RWDD1: variants seen among roughly 807,000 people sequenced by gnomAD.
RWDD1 encodes the protein RWD domain containing 1, also known as RWD domain-containing protein 1.
A neutral mutation model predicts 31.6 loss-of-function variants in RWDD1; 17 were observed. That is an observed-to-expected ratio of 0.54 (90% CI 0.37 to 0.81). The LOEUF (loss-of-function observed/expected upper bound fraction) is 0.81, where lower values mean the gene tolerates loss of function less well. Among genes scored for constraint, RWDD1 ranks in the 30% least tolerant of loss-of-function variants. The pLI is 0.00. For missense variants in RWDD1, 204 were observed against 274.5 expected, an observed-to-expected ratio of 0.74 and a Z score of 1.82; for synonymous variants, 78 against 94.2, an observed-to-expected ratio of 0.83 and a Z score of 0.99.
chr6:116,580,395 A>G (rs748598762), intron 2 of RWDD1, 35 bp downstream of exon 2: 4 of 1,497,722 alleles, frequency 2.7e-6, no homozygotes, highest in Non-Finnish European at 3.7e-6. Flanking sequence ...GGTTTTTCTA[A>G]ATTTCTCAGG....
chr6:116,583,661 T>C (rs1052749266), intron 2 of RWDD1, among the ~76,000 whole-genome samples: 2 of 152,152 alleles, frequency 1.3e-5, no homozygotes, highest in Non-Finnish European at 2.9e-5. Context: ...ATACAATTTT[T>C]ATTTGTCAAG....
At chr6:116,578,664 C>T (rs1318456110) in intron 1 of RWDD1, among the ~76,000 whole-genome samples, 1 of 152,094 alleles carries the variant, frequency 6.6e-6, no homozygotes, top group Non-Finnish European at 1.5e-5. Flanking sequence ...AAAATATAGA[C>T]AAGCCCAACC....
At chr6:116,589,016 ATTTC>A in intron 4 of RWDD1, 31 bp downstream of exon 4, 1 of 1,241,852 alleles carries the variant, frequency 8.1e-7, no homozygotes, top group South Asian at 3.0e-5. Flanking sequence ...TTCTTTTATT[ATTTC>A]TTAAATCAGT....
intron 3 of RWDD1, among the ~76,000 whole-genome samples, chr6:116,588,432 G>C (rs1775079702): frequency 6.6e-6 from 1 of 151,924 alleles, no homozygotes; most frequent in Admixed American, 6.6e-5. Flanking sequence ...AAAAAAGGTT[G>C]ATATAGATAA....
At chr6:116,574,349 A>T (rs1774796458) in intron 1 of RWDD1, among the ~76,000 whole-genome samples, 1 of 152,234 alleles carries the variant, frequency 6.6e-6, no homozygotes, top group Admixed American at 6.5e-5. Context: ...AGCAGCAGCC[A>T]TTCACATTTG....
At chr6:116,584,965 A>G in intron 3 of RWDD1, 108 bp downstream of exon 3, 1 of 853,480 alleles carries the variant, frequency 1.2e-6, no homozygotes, top group Non-Finnish European at 1.8e-6. Flanking sequence ...AACATTGACC[A>G]AGTGGAATTC....
intron 6 of RWDD1, among the ~76,000 whole-genome samples, chr6:116,592,572 A>G (rs901165188): frequency 6.6e-6 from 1 of 152,206 alleles, no homozygotes; most frequent in African/African-American, 2.4e-5. Flanking sequence ...AATCAAATCA[A>G]TTAATTAACA....
rs192945774 is a variant in RWDD1, at chr6:116,575,096, T to A, written c.73+3441T>A. ...AGCTTTACTCTTTTTCTCAAAAAAA[T>A]TTTTTTTTGAGAGAGAGTCTCCCTT... On this transcript the variant is annotated intron_variant, in intron 1 of 6. Coordinates refer to ENST00000466444, the MANE Select transcript of RWDD1 (RefSeq NM_015952.4). Among the ~76,000 whole-genome samples, 106 of 146,426 alleles carry A rather than the reference T, an allele frequency of 7.2e-4. 1 individual carries two copies. Among genetic ancestry groups the A allele is most frequent in the Middle Eastern group, 3.4e-3 (1 of 290 alleles).
intron 4 of RWDD1, among the ~76,000 whole-genome samples, chr6:116,589,245 A>T (rs1038721109): frequency 6.6e-6 from 1 of 152,176 alleles, no homozygotes; most frequent in Non-Finnish European, 1.5e-5. Context: ...TTCACCTATG[A>T]TATAGAGCCA....
Position 116,596,439 on chromosome 6 carries a change from T to C in RWDD1, c.*3338T>C, listed in dbSNP as rs1159620616. On this transcript the variant is annotated 3_prime_UTR_variant, in exon 7 of 7. Coordinates refer to ENST00000466444, the MANE Select transcript of RWDD1 (RefSeq NM_015952.4). ...GGTGAAGTTTCAAGTAACCTTTCAC[T>C]TAAGTTACTTGTGTCAGAGGATGGA... 1.3e-5 allele frequency: 2 copies of C among 152,242 alleles called. No individual in the cohort carries two copies. Among genetic ancestry groups the C allele is most frequent in the Non-Finnish European group, 2.9e-5 (2 of 68,044 alleles). The allele number at this position is 152,242 out of a possible 1,614,324, so 9.4% of individuals were successfully genotyped here.
rs770788581 is a variant in RWDD1 at position 116,590,274 on chromosome 6, A to G, written c.417A>G (p.Gln139=). ...ACTTTTTTTTTTTATTTCCTAAGCA[A>G]TTATTCCATGGTACTCCAGTTACAA... ...KEKEAEEAEK[Q]LFHGTPVTIE... The change falls in exon 5 of 7, where the codon CAA becomes CAG. Residue 139 remains glutamine (Q), a splice_region_variant and synonymous_variant. Transcript: ENST00000466444. 1.4e-5 allele frequency: 21 copies of G among 1,531,876 alleles called. No individual in the cohort carries two copies. In the Admixed American group the frequency reaches 1.6e-4, roughly 12 times the overall value. 94.9% of individuals were successfully genotyped at this position (1,531,876 alleles called of 1,614,324 possible). A position where few individuals can be genotyped will look rare whatever the true frequency, so the allele number is the denominator to read the frequency against.
intron 4 of RWDD1, 22 bp from the exon 5 acceptor site, chr6:116,590,250 C>G: frequency 9.3e-7 from 1 of 1,078,224 alleles, no homozygotes; most frequent in Non-Finnish European, 1.3e-6. Flanking sequence ...AATCTGGTGA[C>G]TTTTTTTTTT....
chr6:116,593,222 G>C lies in RWDD1; in HGVS notation c.*121G>C. ...ATTATTTTCAGGAGAATATTCTTCTGATAGCTTTCATCATTGAACTTAATA... is the reference window on the plus strand; with the variant it reads ...ATTATTTTCAGGAGAATATTCTTCTCATAGCTTTCATCATTGAACTTAATA... On this transcript the variant is annotated 3_prime_UTR_variant, in exon 7 of 7. Coordinates refer to ENST00000466444, the MANE Select transcript of RWDD1 (RefSeq NM_015952.4). 2 of 974,424 alleles carry C rather than the reference G, an allele frequency of 2.1e-6. No individual in the cohort carries two copies. The highest frequency in any genetic ancestry group is 2.9e-6 in the Non-Finnish European group (2 of 700,174). 60.4% of individuals were successfully genotyped at this position (974,424 alleles called of 1,614,324 possible).
intron 4 of RWDD1, among the ~76,000 whole-genome samples, chr6:116,589,934 A>C (rs1038001169): frequency 6.6e-6 from 1 of 152,202 alleles, no homozygotes; most frequent in East Asian, 1.9e-4. Flanking sequence ...GATACAATTC[A>C]AGTTGAGATT....
chr6:116,571,757 C>T, intron 1 of RWDD1, 102 bp downstream of exon 1: 1 of 988,944 alleles, frequency 1.0e-6, no homozygotes, highest in South Asian at 1.7e-5. Flanking sequence ...GAGAAGGGGA[C>T]CTTGAGGCCG....
At chr6:116,573,638 T>C (rs1774786912) in intron 1 of RWDD1, among the ~76,000 whole-genome samples, 1 of 152,218 alleles carries the variant, frequency 6.6e-6, no homozygotes, top group African/African-American at 2.4e-5. Context: ...TTTTCTGTTT[T>C]ATAGCCTTCT....
intron 6 of RWDD1, 108 bp downstream of exon 6, chr6:116,591,058 T>G: frequency 7.1e-7 from 1 of 1,417,554 alleles, no homozygotes; most frequent in Non-Finnish European, 9.2e-7. Flanking sequence ...CCCAGGAGTT[T>G]GAGACCAGAC....
intron 1 of RWDD1, among the ~76,000 whole-genome samples, chr6:116,578,626 A>G (rs1180274539): frequency 6.6e-6 from 1 of 152,232 alleles, no homozygotes; most frequent in African/African-American, 2.4e-5. Flanking sequence ...AGAATGAAAT[A>G]CATCAACTAT....
intron 2 of RWDD1, 128 bp from the exon 3 acceptor site, chr6:116,584,599 C>A: frequency 1.4e-6 from 1 of 724,696 alleles, no homozygotes; most frequent in Admixed American, 2.7e-5. Flanking sequence ...TAGTGATTAT[C>A]CATCTGGTCT....
Sources: gnomAD v4.1 joint callset for allele counts (sites outside exome capture counted in the v4.1 genomes callset) on GRCh38, gnomAD v4.1.1 for gene constraint, MANE v1.5 for transcripts, NCBI Gene and HGNC (gene_info 2026-07-23, HGNC 2026-07-21) for gene names.